Variants in XRN1 observed in about 807,000 individuals in gnomAD.
XRN1 encodes 5'-3' exoribonuclease 1, also known as strand-exchange protein 1 homolog.
XRN1 carries 67 observed loss-of-function variants against 222.3 expected under a neutral mutation model. The ratio of observed to expected loss-of-function variants is 0.30; its 90% CI spans 0.25 to 0.37. The LOEUF (loss-of-function observed/expected upper bound fraction) is 0.37, where lower values mean the gene tolerates loss of function less well. XRN1 is among the 10% of genes least tolerant of loss of function. The pLI is 1.00. For synonymous variants in XRN1, 643 were observed against 652.4 expected (o/e 0.99, Z 0.22); for missense variants, 1,707 against 2,000.2 (o/e 0.85, Z 2.80).
intron 1 of XRN1, among the ~76,000 whole-genome samples, chr3:142,433,421 A>G (rs779951751): frequency 8.5e-5 from 13 of 152,184 alleles, no homozygotes; most frequent in Non-Finnish European, 1.6e-4. Context: ...CAAGAAATTT[A>G]TGAAACTGAA....
chr3:142,332,925 C>T (rs1218946669), intron 35 of XRN1, 42 bp downstream of exon 35: 15 of 1,606,212 alleles, frequency 9.3e-6, no homozygotes, highest in East Asian at 2.2e-5. Context: ...GGTCAACAGT[C>T]GAGAAATTAC....
At chr3:142,415,004 A>G (rs1180062588) in intron 13 of XRN1, among the ~76,000 whole-genome samples, 2 of 152,204 alleles carry the variant, frequency 1.3e-5, no homozygotes, top group African/African-American at 4.8e-5. Context: ...AAGAGACTAA[A>G]AACAGTTGAA....
intron 32 of XRN1, among the ~76,000 whole-genome samples, chr3:142,354,434 C>T (rs1577277001): frequency 2.0e-5 from 3 of 152,218 alleles, no homozygotes; most frequent in East Asian, 3.9e-4. Context: ...GGTATATACC[C>T]CAGGGAAAAT....
At chr3:142,389,287 T>A (rs1472982695) in intron 20 of XRN1, among the ~76,000 whole-genome samples, 1 of 152,130 alleles carries the variant, frequency 6.6e-6, no homozygotes, top group Non-Finnish European at 1.5e-5. Flanking sequence ...TTCATTTCCA[T>A]CTTAAGGCTC....
rs1416685047 is a variant in XRN1 at position 142,370,531 on chromosome 3, T to C, written c.3158A>G (p.Asp1053Gly). Reference sequence around the variant, plus strand: ...CTCAATTTTCTCAACAATAGCTGCATCCAGAATTTGTAAATCACAAGAAGA... The same window carrying C: ...CTCAATTTTCTCAACAATAGCTGCACCCAGAATTTGTAAATCACAAGAAGA... ...SRSSCDLQIL[D>G]AAIVEKIEEE... is the part of the protein sequence containing the mutation. The change falls in exon 27 of 41, where the codon GAT becomes GGT. Residue 1053 changes from aspartate (D) to glycine (G), a missense_variant. Coordinates refer to ENST00000392981, the MANE Select transcript of XRN1 (RefSeq NM_001282857.2). 1 of 1,607,604 alleles carries C rather than the reference T, an allele frequency of 6.2e-7. No individual in the cohort carries two copies. The highest frequency in any genetic ancestry group is 1.3e-5 in the African/African-American group (1 of 74,708).
chr3:142,419,831 G>A (rs58978582), intron 10 of XRN1, among the ~76,000 whole-genome samples: 10,551 of 151,370 alleles, frequency 0.07, 1,236 homozygotes, highest in African/African-American at 0.24. Flanking sequence ...AAGAAACTCA[G>A]CAGAATCCAA....
At position 142,307,904 on chromosome 3, in the gene XRN1, T is replaced by A. The variant is rs1053162665; in HGVS notation, c.*3607A>T. On this transcript the variant is annotated 3_prime_UTR_variant, in exon 41 of 41. Coordinates refer to ENST00000392981, the MANE Select transcript of XRN1 (RefSeq NM_001282857.2). ...TGATTTTTAAAGACAGAGAACGACT[T>A]TCACAGCCACTTCTCTACAATAAAT... 1.3e-5 allele frequency: 2 copies of A among 152,302 alleles called. No individual in the cohort carries two copies. Among genetic ancestry groups the A allele is most frequent in the Admixed American group, 6.5e-5 (1 of 15,304 alleles). 9.4% of individuals were successfully genotyped at this position (152,302 alleles called of 1,614,324 possible).
At chr3:142,395,415 A>T (rs922256855) in intron 20 of XRN1, among the ~76,000 whole-genome samples, 3 of 152,246 alleles carry the variant, frequency 2.0e-5, no homozygotes, top group Non-Finnish European at 4.4e-5. Flanking sequence ...ACTATTCTCG[A>T]GTGAACGAGT....
chr3:142,385,175 G>C (rs9883359), intron 20 of XRN1, among the ~76,000 whole-genome samples: 17,322 of 152,114 alleles, frequency 0.11, 1,276 homozygotes, highest in Admixed American at 0.19. Context: ...ATACACAAAT[G>C]ATCATAGCAC....
chr3:142,331,264 AAAGT>A (rs1159625153), intron 36 of XRN1, among the ~76,000 whole-genome samples: 1 of 152,190 alleles, frequency 6.6e-6, no homozygotes, highest in Non-Finnish European at 1.5e-5. Flanking sequence ...ATAAAATGCT[AAAGT>A]ATAGAGGACA....
At chr3:142,323,153 C>T (rs1407412408) in intron 37 of XRN1, among the ~76,000 whole-genome samples, 5 of 152,130 alleles carry the variant, frequency 3.3e-5, no homozygotes, top group Admixed American at 1.3e-4. Flanking sequence ...CTCTTTTTCG[C>T]ATTACTTTTT....
chr3:142,324,429 C>G (rs573854946), intron 37 of XRN1, among the ~76,000 whole-genome samples: 1 of 152,024 alleles, frequency 6.6e-6, no homozygotes, highest in Admixed American at 6.5e-5. Context: ...ATGAACTCAT[C>G]ATTTTTTATG....
At chr3:142,369,654 T>TAA (rs761560470) in intron 27 of XRN1, among the ~76,000 whole-genome samples, 11 of 120,378 alleles carry the variant, frequency 9.1e-5, no homozygotes, top group Non-Finnish European at 1.4e-4. Flanking sequence ...TCTCCAAAAT[T>TAA]AAAAAAAAAA....
Position 142,355,387 on chromosome 3 carries a change from C to A in XRN1, c.3768+14G>T. 1 of 1,396,806 alleles carries A rather than the reference C, an allele frequency of 7.2e-7. No homozygotes were observed. Among genetic ancestry groups the A allele is most frequent in the Non-Finnish European group, 9.5e-7 (1 of 1,049,742 alleles). 86.5% of individuals were successfully genotyped at this position (1,396,806 alleles called of 1,614,324 possible). A position where few individuals can be genotyped will look rare whatever the true frequency, so the allele number is the denominator to read the frequency against. ...TCTTTAAATTAATTGTCCATCAAAA[C>A]AAGGAATACTAACCTTCTCTTGTAT... On this transcript the variant is annotated intron_variant, in intron 32 of 40. Transcript: ENST00000392981.
intron 27 of XRN1, among the ~76,000 whole-genome samples, chr3:142,369,624 G>A (rs139319592): frequency 0.025 from 3,686 of 149,770 alleles, 157 homozygotes; most frequent in African/African-American, 0.086. Context: ...CTCCAGCCTC[G>A]GTGACAGAGT....
Position 142,441,315 on chromosome 3 carries a change from A to T in XRN1, c.75+6555T>A, listed in dbSNP as rs868729058. On this transcript the variant is annotated intron_variant, in intron 1 of 40. Coordinates refer to ENST00000392981, the MANE Select transcript of XRN1 (RefSeq NM_001282857.2). ...ATACACTAATTAAGGAAACTCAGAAAGCCAATACCCATTTAGTAAGATGGA... is the reference window on the plus strand; with the variant it reads ...ATACACTAATTAAGGAAACTCAGAATGCCAATACCCATTTAGTAAGATGGA... 2.0e-5 allele frequency among the ~76,000 whole-genome samples: 3 copies of T among 152,338 alleles called. No homozygotes were observed. The Middle Eastern group carries it at 0.01, about 518-fold the overall frequency.
At chr3:142,411,601 C>T (rs2068583927) in intron 15 of XRN1, among the ~76,000 whole-genome samples, 1 of 151,926 alleles carries the variant, frequency 6.6e-6, no homozygotes, top group Admixed American at 6.6e-5. Context: ...TGTGTGCCAC[C>T]ATGCTCAGCT....
At chr3:142,312,288 GAAT>G (rs540773237) in intron 40 of XRN1, among the ~76,000 whole-genome samples, 1 of 151,606 alleles carries the variant, frequency 6.6e-6, no homozygotes, top group Non-Finnish European at 1.5e-5. Flanking sequence ...CCAAAAAAAT[GAAT>G]AATAATAATA....
chr3:142,337,519 T>C (rs542689943), intron 33 of XRN1, among the ~76,000 whole-genome samples: 1 of 152,290 alleles, frequency 6.6e-6, no homozygotes, highest in East Asian at 1.9e-4. Flanking sequence ...ATTTTGAACA[T>C]AAAGAATAAT....
Sources: allele counts gnomAD v4.1 joint callset (sites outside exome capture counted in the v4.1 genomes callset), GRCh38; gene constraint gnomAD v4.1.1; transcripts MANE v1.5; gene names NCBI Gene and HGNC (gene_info 2026-07-23, HGNC 2026-07-21).